Variants in APOB observed in about 807,000 individuals in gnomAD.
APOB encodes the protein apolipoprotein B.
A neutral mutation model predicts 314.1 loss-of-function variants in APOB; 153 were observed. The observed-to-expected ratio is 0.49, with a 90% CI of 0.43 to 0.56. APOB has a LOEUF of 0.56. APOB is among the 20% of genes least tolerant of loss of function. The pLI, the probability that APOB is intolerant of heterozygous loss-of-function variation, is 0.00. For missense variants in APOB, 5,430 were observed against 5,350.7 expected (o/e 1.01, Z -0.46); for synonymous variants, 2,087 against 2,036.4 (o/e 1.02, Z -0.67).
At chr2:21,042,838 C>G (rs988592177) in intron 2 of APOB, among the ~76,000 whole-genome samples, 1 of 151,728 alleles carries the variant, frequency 6.6e-6, no homozygotes, top group Non-Finnish European at 1.5e-5. Context: ...AGCTTGAACA[C>G]GCCGTAATTC....
chr2:21,011,674 T>A lies in APOB; in HGVS notation c.5194A>T (p.Ser1732Cys), dbSNP rs377422475. ...DSKNIFNFKV[S>C]QEGLKLSNDM... ...TTTGAGAGCTTAAGTCCTTCTTGAC[T>A]GACCTTGAAGTTGAAAATGTTTTTG... Residue 1732 changes from serine (S) to cysteine (C), a missense_variant, in exon 26 of 29, where the codon AGT becomes TGT. Around this residue, in one of 3 missense-constraint regions of APOB, gnomAD observed 2,085 missense variants for 2,079.7 expected, o/e 1.00. Transcript: ENST00000233242. 2 of 1,614,114 alleles carry A rather than the reference T, an allele frequency of 1.2e-6. No homozygotes were observed. Among genetic ancestry groups the A allele is most frequent in the African/African-American group, 2.7e-5 (2 of 74,942 alleles).
chr2:21,035,683 C>T lies in APOB; in HGVS notation c.719G>A (p.Ser240Asn), dbSNP rs1275483212. The change falls in exon 7 of 29, where the codon AGC becomes AAC. Residue 240 changes from serine (S) to asparagine (N), a missense_variant. Transcript: ENST00000233242. ...GMTRPLSTLI[S>N]SSQSCQYTLD... ...TGTGTACTGACAGGACTGGCTGCTG[C>T]TGATCAGAGTTGACAAGGGGCGGGT... 14 of 1,613,946 alleles carry T rather than the reference C, an allele frequency of 8.7e-6. No individual in the cohort carries two copies. The highest frequency in any genetic ancestry group is 1.2e-5 in the Non-Finnish European group (14 of 1,180,028).
chr2:21,037,897 G>A, intron 5 of APOB, 61 bp downstream of exon 5: 2 of 1,586,046 alleles, frequency 1.3e-6, no homozygotes, highest in Non-Finnish European at 1.7e-6. Context: ...TGGTAGGACT[G>A]GTCTCTAACA....
chr2:21,019,191 C>A, intron 19 of APOB, 78 bp from the exon 20 acceptor site: 1 of 1,575,548 alleles, frequency 6.3e-7, no homozygotes, highest in Non-Finnish European at 8.7e-7. Flanking sequence ...AACAATTCAG[C>A]CTCAAATGCA....
intron 16 of APOB, chr2:21,024,556 T>C (rs1353094035): frequency 2.5e-6 from 1 of 401,604 alleles, no homozygotes; most frequent in Non-Finnish European, 4.4e-6. Flanking sequence ...AAGGCAGAGT[T>C]GCAGTGAGCC....
Position 21,010,188 on chromosome 2 carries a change from TG to T in APOB, c.6679del (p.His2227MetfsTer50), listed in dbSNP as rs2103356720. On this transcript the variant is annotated frameshift_variant, in exon 26 of 29. Transcript: ENST00000233242. LOFTEE classifies it high-confidence loss of function. Reference sequence around the variant, plus strand: ...ATTTTCAATAAACAAATGTAGATCATGGATTGTTTTTACTAAATTTACACGG... The same window carrying T: ...ATTTTCAATAAACAAATGTAGATCATGATTGTTTTTACTAAATTTACACGG... ...HIRVNLVKTI[H>X]DLHLFIENID... 2 of 1,595,978 alleles carry T rather than the reference TG, an allele frequency of 1.3e-6. No homozygotes were observed. Among genetic ancestry groups the T allele is most frequent in the Non-Finnish European group, 1.7e-6 (2 of 1,167,654 alleles).
Position 21,033,518 on chromosome 2 carries a change from C to T in APOB, c.905G>A (p.Gly302Asp). 41 of 1,612,976 alleles carry T rather than the reference C, an allele frequency of 2.5e-5. No individual in the cohort carries two copies. The highest frequency in any genetic ancestry group is 3.5e-5 in the Non-Finnish European group (41 of 1,179,018). ...AAATGCGAGGCCCATCTTCTTAGTA[C>T]CTGGAAGATGGAAAGTGTCAAAGGA... is the stretch of plus-strand genomic sequence containing the variant. ...PKINSRFFGE[G>D]TKKMGLAFES... The change falls in exon 9 of 29, where the codon GGT (glycine) becomes GAT (aspartate). Residue 302 changes from glycine to aspartate, a missense_variant and splice_region_variant. Around this residue, in one of 3 missense-constraint regions of APOB, gnomAD observed 2,085 missense variants for 2,079.7 expected, o/e 1.00. Coordinates refer to ENST00000233242, the MANE Select transcript of APOB (RefSeq NM_000384.3).
At position 21,003,738 on chromosome 2, in the gene APOB, C is replaced by G. The variant is rs769575884; in HGVS notation, c.12088-404G>C. On this transcript the variant is annotated intron_variant, in intron 28 of 28. Coordinates refer to ENST00000233242, the MANE Select transcript of APOB (RefSeq NM_000384.3). ...AGTTGGAGCCCACCCTGCAGAGACC[C>G]AGAATCCCAACATCAGTACGCATTC... Among the ~76,000 whole-genome samples the G allele has an allele frequency of 5.3e-5, 8 of 152,216 alleles. No homozygotes were observed. In the South Asian group the frequency reaches 6.2e-4, roughly 12 times the overall value.
intron 25 of APOB, 92 bp downstream of exon 25, chr2:21,013,068 A>G (rs1663371960): frequency 1.3e-6 from 2 of 1,519,550 alleles, no homozygotes; most frequent in South Asian, 2.3e-5. Flanking sequence ...TATCTGCTAG[A>G]AAGCCAAAGT....
intron 20 of APOB, among the ~76,000 whole-genome samples, chr2:21,018,116 A>G (rs1234118279): frequency 1.3e-5 from 2 of 152,132 alleles, no homozygotes; most frequent in East Asian, 3.9e-4. Flanking sequence ...TCTTACACTC[A>G]ACATCCACTG....
chr2:21,013,019 G>T (rs1293161070), intron 25 of APOB, 141 bp downstream of exon 25: 1 of 995,416 alleles, frequency 1.0e-6, no homozygotes, highest in African/African-American at 1.6e-5. Flanking sequence ...ATTTCTATTT[G>T]TTGAATAAAA....
Position 21,009,367 on chromosome 2 carries a change from T to A in APOB, c.7501A>T (p.Ser2501Cys), listed in dbSNP as rs548649083. ...TTCATGTGAGCCAAAGATGCTGAAC[T>A]TAAAGCCTCCTGTAACCAATTGATG... Reference protein sequence around the residue: ...LIINWLQEALSSASLAHMKAK... With the variant: ...LIINWLQEALCSASLAHMKAK... Residue 2501 changes from serine to cysteine, a missense_variant, in exon 26 of 29, where the codon AGT (serine) becomes TGT (cysteine). Coordinates refer to ENST00000233242, the MANE Select transcript of APOB (RefSeq NM_000384.3). 3.1e-6 allele frequency: 5 copies of A among 1,614,114 alleles called. No homozygotes were observed. The highest frequency in any genetic ancestry group is 2.7e-5 in the African/African-American group (2 of 75,048).
chr2:21,017,046 G>C (rs113549125), intron 20 of APOB, among the ~76,000 whole-genome samples: 4 of 67,490 alleles, frequency 5.9e-5, no homozygotes, highest in African/African-American at 1.7e-4. Flanking sequence ...AATAAATAAA[G>C]AAGCTATGTT....
At position 21,001,656 on chromosome 2, in the gene APOB, C is replaced by A; in HGVS notation, c.*74G>T. The A allele has an allele frequency of 6.9e-7, 1 of 1,457,074 alleles. No homozygotes were observed. Among genetic ancestry groups the A allele is most frequent in the Admixed American group, 1.7e-5 (1 of 58,918 alleles). The allele number at this position is 1,457,074 out of a possible 1,614,324, so 90.3% of individuals were successfully genotyped here. ...CACTGTATGGTTTTATCAATATAGG[C>A]AGTTTGAATTTTTTCTGTGCTATGT... On this transcript the variant is annotated 3_prime_UTR_variant, in exon 29 of 29. Transcript: ENST00000233242.
At chr2:21,032,329 G>C in intron 10 of APOB, 25 bp downstream of exon 10, 10 of 1,600,772 alleles carry the variant, frequency 6.2e-6, no homozygotes, top group Non-Finnish European at 8.5e-6. Context: ...GCTCCTAGGA[G>C]GAGAAATACA....
At position 21,005,721 on chromosome 2, in the gene APOB, C is replaced by G; in HGVS notation, c.11147G>C (p.Gly3716Ala). 1 of 1,613,818 alleles carries G rather than the reference C, an allele frequency of 6.2e-7. No individual in the cohort carries two copies. Among genetic ancestry groups the G allele is most frequent in the African/African-American group, 1.3e-5 (1 of 74,992 alleles). ...TTTTACAGGGATGGAGAATGAATAG[C>G]CATTGGGGTTTTTGGTGTACACAAA... ...TAFVYTKNPNGYSFSIPVKVL... is the reference protein window; with the variant it reads ...TAFVYTKNPNAYSFSIPVKVL... Residue 3716 changes from glycine to alanine, a missense_variant, in exon 26 of 29, where the codon GGC becomes GCC. Coordinates refer to ENST00000233242, the MANE Select transcript of APOB (RefSeq NM_000384.3).
At chr2:21,042,236 G>T in intron 3 of APOB, 125 bp downstream of exon 3, 6 of 782,270 alleles carry the variant, frequency 7.7e-6, no homozygotes, top group Non-Finnish European at 1.4e-5. Context: ...GATTACAACA[G>T]TTCTGGGATG....
At chr2:21,030,053 C>T (rs1177865874) in intron 10 of APOB, 38 bp from the exon 11 acceptor site, 4 of 1,354,516 alleles carry the variant, frequency 3.0e-6, no homozygotes, top group South Asian at 2.3e-5. Context: ...CTTGGTAACC[C>T]CAGTTAGGTT....
At position 21,009,480 on chromosome 2, in the gene APOB, GC is replaced by G. The variant is rs1324933978; in HGVS notation, c.7387del (p.Ala2463LeufsTer4). On this transcript the variant is annotated frameshift_variant, in exon 26 of 29. Transcript: ENST00000233242. LOFTEE classifies it high-confidence loss of function. The part of the protein sequence containing the change: ...EIQALELPQK[A>X]EALKLFLEET... ...CTCTAAAAACAGTTTTAATGCTTCAGCTTTTTGTGGTAGTTCCAGAGCCTGA... is the reference window on the plus strand; with the variant it reads ...CTCTAAAAACAGTTTTAATGCTTCAGTTTTTGTGGTAGTTCCAGAGCCTGA... 1 of 1,614,076 alleles carries G rather than the reference GC, an allele frequency of 6.2e-7. No homozygotes were observed. Among genetic ancestry groups the G allele is most frequent in the East Asian group, 2.2e-5 (1 of 44,878 alleles).
Sources: allele counts gnomAD v4.1 joint callset (sites outside exome capture counted in the v4.1 genomes callset), GRCh38; gene constraint gnomAD v4.1.1; regional missense constraint gnomAD v4.1.1; transcripts MANE v1.5; gene names NCBI Gene and HGNC (gene_info 2026-07-23, HGNC 2026-07-21).